The following FSTL4 variants were observed in gnomAD, a reference collection of about 807,000 sequenced individuals.
The protein encoded by FSTL4 is follistatin like 4, also known as follistatin-related protein 4.
In FSTL4, 28 loss-of-function variants were observed where a neutral mutation model predicts 78.2. The ratio of observed to expected loss-of-function variants is 0.36; its 90% CI spans 0.27 to 0.49. The LOEUF (loss-of-function observed/expected upper bound fraction) is 0.49. FSTL4 is among the 20% of genes least tolerant of loss of function. The probability of loss-of-function intolerance (pLI) is 0.98; values close to 1 mark genes in which losing one functional copy is unlikely to be tolerated. For missense variants in FSTL4, 922 were observed against 1,084.9 expected (o/e 0.85, Z 2.11); for synonymous variants, 422 against 440.5 (o/e 0.96, Z 0.53).
At chr5:133,629,249 G>C in the FSTL4 span, among the ~76,000 whole-genome samples, 2 of 151,960 alleles carry the variant, frequency 1.3e-5, no homozygotes, top group African/African-American at 4.8e-5. Flanking sequence ...TTTGTCATTG[G>C]TTCTGTTCAT....
chr5:133,703,379 A>T, the FSTL4 span, among the ~76,000 whole-genome samples: 34 of 152,186 alleles, frequency 2.2e-4, no homozygotes, highest in African/African-American at 8.0e-4. Flanking sequence ...TTACAAAGCC[A>T]GGGTCGGCTC....
At chr5:133,818,882 C>G in the FSTL4 span, among the ~76,000 whole-genome samples, 2 of 133,038 alleles carry the variant, frequency 1.5e-5, no homozygotes, top group African/African-American at 5.7e-5. Flanking sequence ...AGCCCCCCAC[C>G]CAGCCCTTCT....
chr5:133,740,838 GC>G, the FSTL4 span, among the ~76,000 whole-genome samples: 1 of 152,148 alleles, frequency 6.6e-6, no homozygotes, highest in Non-Finnish European at 1.5e-5. Context: ...CCTGGTAGAT[GC>G]CAGCCTAGAA....
chr5:133,410,726 GA>G (rs894370192), intron 3 of FSTL4, among the ~76,000 whole-genome samples: 5 of 151,814 alleles, frequency 3.3e-5, no homozygotes, highest in Non-Finnish European at 7.4e-5. Context: ...TACTTTTAAA[GA>G]AAAAAATGGC....
intron 3 of FSTL4, among the ~76,000 whole-genome samples, chr5:133,422,191 A>G (rs1228612567): frequency 6.6e-6 from 1 of 152,160 alleles, no homozygotes; most frequent in African/African-American, 2.4e-5. Flanking sequence ...TTGGGGACAG[A>G]GCAGCAGGGC....
intron 3 of FSTL4, among the ~76,000 whole-genome samples, chr5:133,538,174 T>C (rs1759392633): frequency 6.6e-6 from 1 of 152,154 alleles, no homozygotes; most frequent in East Asian, 1.9e-4. Flanking sequence ...ATTTAGTTGT[T>C]ATGTCTCTTT....
chr5:133,458,456 TTC>T (rs1404263343), intron 3 of FSTL4: 1 of 152,244 alleles, frequency 6.6e-6, no homozygotes, highest in African/African-American at 2.4e-5. Context: ...TTCCTCCCCG[TTC>T]TCTGTCTTCA....
intron 6 of FSTL4, among the ~76,000 whole-genome samples, chr5:133,286,394 G>C (rs1581593807): frequency 6.6e-6 from 1 of 152,288 alleles, no homozygotes. Flanking sequence ...TCCACATTCA[G>C]GCATGTAAAA....
chr5:133,654,857 G>A, the FSTL4 span, among the ~76,000 whole-genome samples: 9 of 152,302 alleles, frequency 5.9e-5, no homozygotes, highest in African/African-American at 1.7e-4. Flanking sequence ...TGGCCACCTC[G>A]AAATCTCAGG....
At chr5:133,249,356 T>G (rs1371143004) in intron 7 of FSTL4, 54 bp downstream of exon 7, 2 of 1,405,354 alleles carry the variant, frequency 1.4e-6, no homozygotes, top group African/African-American at 1.4e-5. Flanking sequence ...TCTTACCCAG[T>G]GTACTCTCCC....
At chr5:133,766,984 G>A in the FSTL4 span, among the ~76,000 whole-genome samples, 4 of 152,226 alleles carry the variant, frequency 2.6e-5, no homozygotes, top group Non-Finnish European at 5.9e-5. Context: ...GGTGGAACCA[G>A]GAGATGGTCA....
chr5:133,504,233 G>A, intron 3 of FSTL4, among the ~76,000 whole-genome samples: 1 of 152,076 alleles, frequency 6.6e-6, no homozygotes, highest in Non-Finnish European at 1.5e-5. Context: ...CCCTGTATTA[G>A]TGTTTAGTGC....
At chr5:133,666,333 T>C in the FSTL4 span, among the ~76,000 whole-genome samples, 1 of 152,180 alleles carries the variant, frequency 6.6e-6, no homozygotes, top group Non-Finnish European at 1.5e-5. Flanking sequence ...AAAAAATCTA[T>C]TTGGAAGCCT....
At chr5:133,700,308 A>C in the FSTL4 span, among the ~76,000 whole-genome samples, 1 of 140,932 alleles carries the variant, frequency 7.1e-6, no homozygotes, top group African/African-American at 2.8e-5. Flanking sequence ...CCACACCAAA[A>C]CATCACACCA....
the FSTL4 span, among the ~76,000 whole-genome samples, chr5:133,706,433 C>G: frequency 6.6e-6 from 1 of 152,044 alleles, no homozygotes; most frequent in Non-Finnish European, 1.5e-5. Flanking sequence ...AAGAAAATTA[C>G]CAGAGTTGCT....
the FSTL4 span, among the ~76,000 whole-genome samples, chr5:133,709,956 A>G: frequency 6.6e-6 from 1 of 152,184 alleles, no homozygotes; most frequent in Non-Finnish European, 1.5e-5. Context: ...GACTGAAAAG[A>G]CACTGAGTTT....
At chr5:133,517,447 A>AAAAAAAAAAATATATATATATATATAT (rs1554068019) in intron 3 of FSTL4, among the ~76,000 whole-genome samples, 6 of 16,364 alleles carry the variant, frequency 3.7e-4, no homozygotes, top group Admixed American at 1.1e-3. Context: ...AAAAAAAAAA[A>AAAAAAAAAAATATATATATATATATAT]ATATATATAT....
chr5:133,224,134 C>T (rs951081596), intron 11 of FSTL4, 56 bp downstream of exon 11: 1 of 1,465,420 alleles, frequency 6.8e-7, no homozygotes, highest in African/African-American at 1.4e-5. Context: ...GACGGCCCAT[C>T]ATAGAACCAA....
the FSTL4 span, among the ~76,000 whole-genome samples, chr5:133,652,680 G>A: frequency 0.027 from 4,070 of 152,274 alleles, 78 homozygotes; most frequent in Non-Finnish European, 0.043. Flanking sequence ...GGCCCAGAAA[G>A]TAGTCTATCT....
Sources: allele counts gnomAD v4.1 joint callset (sites outside exome capture counted in the v4.1 genomes callset), GRCh38; gene constraint gnomAD v4.1.1; transcripts MANE v1.5; gene names NCBI Gene and HGNC (gene_info 2026-07-23, HGNC 2026-07-21).